The following RNF20 variants were observed in gnomAD, a reference collection of about 807,000 sequenced individuals.
The protein encoded by RNF20 is E3 ubiquitin-protein ligase BRE1A.
A neutral mutation model predicts 126.2 loss-of-function variants in RNF20; 84 were observed. The ratio of observed to expected loss-of-function variants is 0.67; its 90% CI spans 0.56 to 0.80. The LOEUF is 0.80. Ranked by LOEUF, RNF20 falls within the 30% of genes least tolerant of loss-of-function variation. RNF20 has a pLI of 0.00. For missense variants in RNF20, 869 were observed against 1,188.2 expected, an observed-to-expected ratio of 0.73 and a Z score of 3.95; for synonymous variants, 400 against 414.3, an observed-to-expected ratio of 0.97 and a Z score of 0.42.
chr9:101,552,709 GA>G lies in RNF20; in HGVS notation c.1862del (p.Lys621ArgfsTer9). On this transcript the variant is annotated frameshift_variant, in exon 13 of 20. Transcript: ENST00000389120. LOFTEE classifies it high-confidence loss of function. The part of the protein sequence containing the change: ...KEKGKHDDGR[K>X]KEAEIIKQLK... ...AGAAAGGCAAACATGATGATGGACG[GA>G]AAAAGGAAGCAGAAATTATCAAACA... 1.3e-6 allele frequency: 2 copies of G among 1,598,834 alleles called. No homozygotes were observed. Among genetic ancestry groups the G allele is most frequent in the Non-Finnish European group, 1.7e-6 (2 of 1,168,238 alleles).
intron 13 of RNF20, among the ~76,000 whole-genome samples, chr9:101,553,177 C>T (rs2118720296): frequency 6.6e-6 from 1 of 152,284 alleles, no homozygotes; most frequent in Non-Finnish European, 1.5e-5. Context: ...TGAGAGTTAA[C>T]TGGTTTGTGA....
Position 101,552,640 on chromosome 9 carries a change from G to A in RNF20, c.1788G>A (p.Lys596=). 2 of 1,521,510 alleles carry A rather than the reference G, an allele frequency of 1.3e-6. No individual in the cohort carries two copies. Among genetic ancestry groups the A allele is most frequent in the Non-Finnish European group, 1.8e-6 (2 of 1,095,680 alleles). 94.3% of individuals were successfully genotyped at this position (1,521,510 alleles called of 1,614,324 possible). A position where few individuals can be genotyped will look rare whatever the true frequency, so the allele number is the denominator to read the frequency against. ...KEKEREREKQ[K]LKESEKERDS... is the part of the protein sequence containing the mutation. ...AGGAGAGAGAACGAGAGAAGCAGAAGCTAAAAGAGTCAGAAAAAGAGAGAG... is the reference window on the plus strand; with the variant it reads ...AGGAGAGAGAACGAGAGAAGCAGAAACTAAAAGAGTCAGAAAAAGAGAGAG... The change falls in exon 13 of 20, where the codon AAG becomes AAA. Residue 596 remains lysine (K), a synonymous_variant. Coordinates refer to ENST00000389120, the MANE Select transcript of RNF20 (RefSeq NM_019592.7).
chr9:101,549,493 C>T (rs1176724014), intron 9 of RNF20, among the ~76,000 whole-genome samples: 2 of 152,116 alleles, frequency 1.3e-5, no homozygotes, highest in African/African-American at 2.4e-5. Flanking sequence ...CAGGTTAGGC[C>T]TCCGGATAAC....
intron 16 of RNF20, among the ~76,000 whole-genome samples, chr9:101,558,859 C>A (rs1329041461): frequency 6.6e-6 from 1 of 151,954 alleles, no homozygotes; most frequent in Non-Finnish European, 1.5e-5. Flanking sequence ...TGTCTGTTTA[C>A]CCTGATGATT....
chr9:101,557,634 TA>T, intron 16 of RNF20, 38 bp downstream of exon 16: 1 of 1,463,390 alleles, frequency 6.8e-7, no homozygotes, highest in East Asian at 2.3e-5. Context: ...TCTGTTGAAA[TA>T]GGGTGCTTTC....
intron 9 of RNF20, among the ~76,000 whole-genome samples, chr9:101,549,050 G>A (rs1827399352): frequency 6.6e-6 from 1 of 152,190 alleles, no homozygotes; most frequent in Admixed American, 6.5e-5. Flanking sequence ...CAGCCCCACA[G>A]GGTCGGTGGG....
At chr9:101,562,154 T>C in intron 19 of RNF20, 92 bp from the exon 20 acceptor site, 3 of 1,404,318 alleles carry the variant, frequency 2.1e-6, no homozygotes, top group African/African-American at 1.4e-5. Flanking sequence ...TTTAGTGCCT[T>C]GTGGGTTTTC....
intron 2 of RNF20, among the ~76,000 whole-genome samples, chr9:101,537,274 G>A (rs1004821269): frequency 6.6e-6 from 1 of 152,176 alleles, no homozygotes; most frequent in African/African-American, 2.4e-5. Flanking sequence ...GATAAGATCT[G>A]CTGATGGATT....
Position 101,562,827 on chromosome 9 carries a change from A to G in RNF20, c.*405A>G, listed in dbSNP as rs1054373658. 7.7e-5 allele frequency: 12 copies of G among 155,706 alleles called. No individual in the cohort carries two copies. The highest frequency in any genetic ancestry group is 1.4e-5 in the Non-Finnish European group (1 of 70,214). 9.6% of individuals were successfully genotyped at this position (155,706 alleles called of 1,614,324 possible). ...AACATGGCTACTTTTGGGGAGTGAT[A>G]TTTTAAAAAATAAGTTGTCTATGGG... On this transcript the variant is annotated 3_prime_UTR_variant, in exon 20 of 20. Coordinates refer to ENST00000389120, the MANE Select transcript of RNF20 (RefSeq NM_019592.7).
intron 18 of RNF20, 93 bp downstream of exon 18, chr9:101,561,323 T>A: frequency 7.6e-7 from 1 of 1,315,040 alleles, no homozygotes; most frequent in Non-Finnish European, 1.1e-6. Flanking sequence ...CCAATGTATG[T>A]CATTTCCTAC....
Position 101,554,019 on chromosome 9 carries a change from CTA to C in RNF20, c.1935_1936del (p.Leu646AlafsTer21). ...ACAGGAGAGCCAAAAGGAGATGAAA[CTA>C]TTGCTGGATATGTACCGTTCTGCCC... ...KAQESQKEMK[L>X]LLDMYRSAPK... On this transcript the variant is annotated frameshift_variant, in exon 14 of 20. Transcript: ENST00000389120. LOFTEE classifies it high-confidence loss of function. 1.2e-6 allele frequency: 2 copies of C among 1,613,208 alleles called. No individual in the cohort carries two copies. The highest frequency in any genetic ancestry group is 1.7e-6 in the Non-Finnish European group (2 of 1,179,380).
intron 2 of RNF20, among the ~76,000 whole-genome samples, chr9:101,536,520 C>T (rs1431363431): frequency 2.0e-5 from 3 of 152,090 alleles, no homozygotes; most frequent in African/African-American, 7.2e-5. Flanking sequence ...GGTTCTGGTA[C>T]TTAATATTGC....
intron 9 of RNF20, among the ~76,000 whole-genome samples, chr9:101,549,655 T>TCCACCTGGTAACGGGC (rs1186661560): frequency 6.6e-6 from 1 of 152,108 alleles, no homozygotes; most frequent in African/African-American, 2.4e-5. Context: ...TAGACCACGG[T>TCCACCTGGTAACGGGC]CCACCTGGTA....
Position 101,550,619 on chromosome 9 carries a change from G to T in RNF20, c.1106G>T (p.Ser369Ile). 1 of 1,614,034 alleles carries T rather than the reference G, an allele frequency of 6.2e-7. No homozygotes were observed. The highest frequency in any genetic ancestry group is 8.5e-7 in the Non-Finnish European group (1 of 1,179,950). The change falls in exon 10 of 20, where the codon AGT (serine) becomes ATT (isoleucine). Residue 369 changes from serine to isoleucine, a missense_variant. Transcript: ENST00000389120. The stretch of plus-strand genomic sequence containing the variant: ...GGCCCTCCTAAGGTGGAATTGCGGA[G>T]TGCAGTGGAGCAAGTCGTTAAGGAA... The part of the protein sequence containing the change: ...QNEKLKVELR[S>I]AVEQVVKETP...
chr9:101,538,200 A>G (rs192111708), intron 2 of RNF20, among the ~76,000 whole-genome samples: 25 of 152,296 alleles, frequency 1.6e-4, no homozygotes, highest in Non-Finnish European at 2.1e-4. Flanking sequence ...GTAAGACTAA[A>G]TGTGGGAGTT....
Position 101,557,525 on chromosome 9 carries a change from A to T in RNF20, c.2311A>T (p.Asn771Tyr). 1 of 1,614,048 alleles carries T rather than the reference A, an allele frequency of 6.2e-7. No homozygotes were observed. The highest frequency in any genetic ancestry group is 1.1e-5 in the South Asian group (1 of 91,086). Residue 771 changes from asparagine (N) to tyrosine (Y), a missense_variant, in exon 16 of 20, where the codon AAT (asparagine) becomes TAT (tyrosine). Coordinates refer to ENST00000389120, the MANE Select transcript of RNF20 (RefSeq NM_019592.7). Reference sequence around the variant, plus strand: ...GCTCATGTCAGAGCGTATCAAGTCCAATCAGATCCATAAGTTGCTTAAAGA... The same window carrying T: ...GCTCATGTCAGAGCGTATCAAGTCCTATCAGATCCATAAGTTGCTTAAAGA... Reference protein sequence around the residue: ...FKLMSERIKSNQIHKLLKEEK... With the variant: ...FKLMSERIKSYQIHKLLKEEK...
In RNF20 at chr9:101,554,717, C is replaced by T. The variant is rs1280316871; in HGVS notation, c.2043C>T (p.Leu681=). Residue 681 remains leucine (L), a synonymous_variant, in exon 15 of 20, where the codon CTC becomes CTT. Transcript: ENST00000389120. ...KAELEDLRQR[L]KDLEDKEKKE... is the part of the protein sequence containing the mutation. ...AGTTGGAAGATCTAAGGCAAAGACT[C>T]AAGGATCTGGAAGATAAAGAGAAGA... 1 of 1,609,966 alleles carries T rather than the reference C, an allele frequency of 6.2e-7. No homozygotes were observed. Among genetic ancestry groups the T allele is most frequent in the East Asian group, 2.2e-5 (1 of 44,720 alleles).
chr9:101,556,375 T>C (rs1278964761), intron 15 of RNF20, among the ~76,000 whole-genome samples: 1 of 152,110 alleles, frequency 6.6e-6, no homozygotes, highest in African/African-American at 2.4e-5. Flanking sequence ...GAATAGAAAC[T>C]TGAGAAGTAG....
chr9:101,554,850 T>C lies in RNF20; in HGVS notation c.2169+7T>C. 2.9e-6 allele frequency: 4 copies of C among 1,400,482 alleles called. No homozygotes were observed. Among genetic ancestry groups the C allele is most frequent in the South Asian group, 1.8e-5 (1 of 54,902 alleles). The allele number at this position is 1,400,482 out of a possible 1,614,324, so 86.8% of individuals were successfully genotyped here. A position where few individuals can be genotyped will look rare whatever the true frequency, so the allele number is the denominator to read the frequency against. ...GCTAGCCATGGCCAAGCAGGTGGAC[T>C]CACTTTCTTTATTTAATTGACTTTT... On this transcript the variant is annotated splice_region_variant and intron_variant, in intron 15 of 19. Transcript: ENST00000389120.
Sources: gnomAD v4.1 joint callset for allele counts (sites outside exome capture counted in the v4.1 genomes callset) on GRCh38, gnomAD v4.1.1 for gene constraint, MANE v1.5 for transcripts, NCBI Gene and HGNC (gene_info 2026-07-23, HGNC 2026-07-21) for gene names.